The following ETNK2 variants were observed in gnomAD, a reference collection of about 807,000 sequenced individuals.
ETNK2 encodes ethanolamine kinase 2.
ETNK2 carries 33 observed loss-of-function variants against 46.2 expected under a neutral mutation model. That is an observed-to-expected ratio of 0.71 (90% CI 0.54 to 0.96). The LOEUF (loss-of-function observed/expected upper bound fraction) is 0.96. ETNK2 is among the 40% of genes least tolerant of loss of function. The pLI, the probability that ETNK2 is intolerant of heterozygous loss-of-function variation, is 0.00. For missense variants in ETNK2, 445 were observed against 509.7 expected (o/e 0.87, Z 1.22); for synonymous variants, 194 against 209.0 (o/e 0.93, Z 0.62).
At chr1:204,150,219 G>C (rs537308076) in intron 1 of ETNK2, among the ~76,000 whole-genome samples, 47 of 152,256 alleles carry the variant, frequency 3.1e-4, no homozygotes, top group African/African-American at 1.1e-3. Flanking sequence ...TGCCTCTAGT[G>C]AATGGGATTT....
chr1:204,134,867 T>C (rs1415172617), intron 6 of ETNK2, among the ~76,000 whole-genome samples: 3 of 152,108 alleles, frequency 2.0e-5, no homozygotes, highest in African/African-American at 7.2e-5. Context: ...GTGAGGAATT[T>C]TGGGGGGTTC....
In ETNK2 at chr1:204,133,449, A is replaced by G. The variant is rs116191364; in HGVS notation, c.1088+1066T>C. Among the ~76,000 whole-genome samples, 1,259 of 151,158 alleles carry G rather than the reference A, an allele frequency of 8.3e-3. 19 individuals are homozygous for G. The highest frequency in any genetic ancestry group is 0.029 in the African/African-American group (1,182 of 41,268). On this transcript the variant is annotated intron_variant, in intron 7 of 7. Transcript: ENST00000367202. ...CTGTTTTTTAACAGCAGCCATCCTA[A>G]TGGGTGTGAAGCGACATCTCACCAT...
At position 204,146,897 on chromosome 1, in the gene ETNK2, C is replaced by T. The variant is rs778567351; in HGVS notation, c.519-133G>A. The T allele has an allele frequency of 1.7e-5, 19 of 1,118,338 alleles. No homozygotes were observed. The African/African-American group carries it at 2.5e-4, about 14-fold the overall frequency. 69.3% of individuals were successfully genotyped at this position (1,118,338 alleles called of 1,614,324 possible). A position where few individuals can be genotyped will look rare whatever the true frequency, so the allele number is the denominator to read the frequency against. The stretch of plus-strand genomic sequence containing the variant: ...CAGAGGGCCAAGGATGGGATGATTG[C>T]AAGTCCCTTAGGAGCACAGGTCCTG... On this transcript the variant is annotated intron_variant, in intron 2 of 7. Transcript: ENST00000367202.
rs1261009907 is a variant in ETNK2, at chr1:204,151,516, G to A, written c.258+79C>T. On this transcript the variant is annotated intron_variant, in intron 1 of 7. Transcript: ENST00000367202. The surrounding 1 kb of genome is among the most constrained non-coding windows in gnomAD (Gnocchi z 8.0). The stretch of plus-strand genomic sequence containing the variant: ...GCACCCCTGGGACTGACACCCGGAA[G>A]GATGCGAGGACTGGGTCCCCGCATC... 18 of 1,527,430 alleles carry A rather than the reference G, an allele frequency of 1.2e-5. No individual in the cohort carries two copies. The highest frequency in any genetic ancestry group is 2.8e-5 in the African/African-American group (2 of 71,438). 94.6% of individuals were successfully genotyped at this position (1,527,430 alleles called of 1,614,324 possible). A position where few individuals can be genotyped will look rare whatever the true frequency, so the allele number is the denominator to read the frequency against.
chr1:204,135,520 C>A (rs1171679105), intron 6 of ETNK2, among the ~76,000 whole-genome samples: 1 of 152,186 alleles, frequency 6.6e-6, no homozygotes, highest in East Asian at 1.9e-4. Context: ...CCATGTGAGT[C>A]CCCCAACCCT....
At chr1:204,141,031 G>GCCTGGGCTGGTCTTGAATT (rs1234473097) in intron 4 of ETNK2, 1 of 472,570 alleles carries the variant, frequency 2.1e-6, no homozygotes, top group South Asian at 2.0e-5. Context: ...TCACCACATT[G>GCCTGGGCTGGTCTTGAATT]CCTGGGCTGG....
chr1:204,132,722 C>G (rs535287215), intron 7 of ETNK2, among the ~76,000 whole-genome samples: 231 of 151,628 alleles, frequency 1.5e-3, no homozygotes, highest in African/African-American at 5.2e-3. Context: ...CATGAGCCAC[C>G]GTGCCCAGCC....
chr1:204,146,906 T>C, intron 2 of ETNK2, 142 bp from the exon 3 acceptor site: 1 of 995,450 alleles, frequency 1.0e-6, no homozygotes, highest in Non-Finnish European at 1.6e-6. Context: ...GCAAGTCCCT[T>C]AGGAGCACAG....
chr1:204,151,858 G>C lies in ETNK2; in HGVS notation c.-6C>G, dbSNP rs1463631858. ...GCCGAAGGGGGCACAGCCATTCCCA[G>C]CAGCCCCACCCCCTCGGAGCCGCGG... On this transcript the variant is annotated 5_prime_UTR_variant, in exon 1 of 8. Transcript: ENST00000367202. This position sits in a 1 kb window ranked among gnomAD's most constrained non-coding sequence, Gnocchi z 8.0. 1 of 1,436,052 alleles carries C rather than the reference G, an allele frequency of 7.0e-7. No individual in the cohort carries two copies. Among genetic ancestry groups the C allele is most frequent in the South Asian group, 1.5e-5 (1 of 66,930 alleles). The allele number at this position is 1,436,052 out of a possible 1,614,324, so 89.0% of individuals were successfully genotyped here.
At chr1:204,140,889 C>G (rs1657492616) in intron 4 of ETNK2, 1 of 320,984 alleles carries the variant, frequency 3.1e-6, no homozygotes. Flanking sequence ...GTGGCTCCAT[C>G]ATGGCTCACT....
chr1:204,132,526 C>G (rs531820673), intron 7 of ETNK2, among the ~76,000 whole-genome samples: 23 of 152,240 alleles, frequency 1.5e-4, no homozygotes, highest in Non-Finnish European at 3.2e-4. Flanking sequence ...CTCTGCCTCC[C>G]GGGCTCTGAT....
At chr1:204,141,757 G>C (rs1016992889) in intron 3 of ETNK2, 12 of 365,476 alleles carry the variant, frequency 3.3e-5, no homozygotes, top group Non-Finnish European at 5.0e-5. Flanking sequence ...AGGAACAGGA[G>C]GGTAAGGAAG....
rs1658010134 is a variant in ETNK2 at position 204,151,675 on chromosome 1, G to A, written c.178C>T (p.Pro60Ser). 8 of 1,548,064 alleles carry A rather than the reference G, an allele frequency of 5.2e-6. No individual in the cohort carries two copies. The highest frequency in any genetic ancestry group is 2.5e-5 in the East Asian group (1 of 40,722). ...AVAYFGISVD[P>S]DDILPGALRL... ...AGGGCCCCGGGAAGGATGTCGTCCG[G>A]GTCCACGGAAATGCCGAAGTACGCG... The change falls in exon 1 of 8, where the codon CCG becomes TCG. Residue 60 changes from proline to serine, a missense_variant. Pro to Ser is a moderately conservative substitution (Grantham distance 74). Coordinates refer to ENST00000367202, the MANE Select transcript of ETNK2 (RefSeq NM_018208.4). This position sits in a 1 kb window ranked among gnomAD's most constrained non-coding sequence, Gnocchi z 8.0.
chr1:204,141,649 C>T, intron 3 of ETNK2, 192 bp from the exon 4 acceptor site: 1 of 607,736 alleles, frequency 1.6e-6, no homozygotes, highest in Admixed American at 3.0e-5. Flanking sequence ...CCTTCTGACT[C>T]CTCTGGTTAT....
At chr1:204,139,774 C>A (rs1657427242) in intron 5 of ETNK2, among the ~76,000 whole-genome samples, 1 of 152,210 alleles carries the variant, frequency 6.6e-6, no homozygotes, top group Non-Finnish European at 1.5e-5. Context: ...CTACTACACA[C>A]CTAGGCTGCA....
rs1658024677 is a variant in ETNK2 at position 204,151,906 on chromosome 1, G to A, written c.-54C>T. On this transcript the variant is annotated 5_prime_UTR_variant, in exon 1 of 8. Coordinates refer to ENST00000367202, the MANE Select transcript of ETNK2 (RefSeq NM_018208.4). The surrounding 1 kb of genome is among the most constrained non-coding windows in gnomAD (Gnocchi z 8.0). ...CGGCAGACGCTAGCCCCGGCGGGGG[G>A]GTCCGGCGAGGGAGTGGGAGTGGTA... 1.4e-6 allele frequency: 2 copies of A among 1,404,158 alleles called. No homozygotes were observed. Among genetic ancestry groups the A allele is most frequent in the East Asian group, 5.8e-5 (2 of 34,610 alleles). 87.0% of individuals were successfully genotyped at this position (1,404,158 alleles called of 1,614,324 possible).
At chr1:204,146,892 G>A in intron 2 of ETNK2, 128 bp from the exon 3 acceptor site, 2 of 1,157,392 alleles carry the variant, frequency 1.7e-6, no homozygotes, top group South Asian at 1.3e-5. Context: ...AGGATGGGAT[G>A]ATTGCAAGTC....
chr1:204,141,314 C>T lies in ETNK2; in HGVS notation c.784+1G>A, dbSNP rs1393430782. The T allele has an allele frequency of 1.9e-6, 3 of 1,613,924 alleles. No homozygotes were observed. Among genetic ancestry groups the T allele is most frequent in the Non-Finnish European group, 2.5e-6 (3 of 1,179,902 alleles). ...CTGCCCCAGGGCCAGAGAAGCCATA[C>T]CTTTGATGCTGTCATAGATGATATT... On this transcript the variant is annotated splice_donor_variant, in intron 4 of 7. Transcript: ENST00000367202. LOFTEE classifies it high-confidence loss of function.
chr1:204,132,170 G>T lies in ETNK2; in HGVS notation c.*14C>A. ...TGGCCAGACAGATGGGTAGGGGAGG[G>T]ATGGGGTGGCTGGTCACTTTGGCAT... On this transcript the variant is annotated 3_prime_UTR_variant, in exon 8 of 8. Transcript: ENST00000367202. The T allele has an allele frequency of 6.4e-7, 1 of 1,561,990 alleles. No individual in the cohort carries two copies. Among genetic ancestry groups the T allele is most frequent in the Non-Finnish European group, 8.7e-7 (1 of 1,152,034 alleles).
Sources: gnomAD v4.1 joint callset for allele counts (sites outside exome capture counted in the v4.1 genomes callset) on GRCh38, gnomAD v4.1.1 for gene constraint, Gnocchi (gnomAD v3.1) non-coding constraint, MANE v1.5 for transcripts, NCBI Gene and HGNC (gene_info 2026-07-23, HGNC 2026-07-21) for gene names.